EPB41L5: variants seen among roughly 807,000 people sequenced by gnomAD.
EPB41L5 encodes erythrocyte membrane protein band 4.1 like 5.
A neutral mutation model predicts 106.6 loss-of-function variants in EPB41L5; 55 were observed. The ratio of observed to expected loss-of-function variants is 0.52; its 90% CI spans 0.42 to 0.65. The LOEUF (loss-of-function observed/expected upper bound fraction) is 0.65, where lower values mean the gene tolerates loss of function less well. Ranked by LOEUF, EPB41L5 falls within the 30% of genes least tolerant of loss-of-function variation. The pLI is 0.00. For missense variants in EPB41L5, 871 were observed against 882.1 expected (o/e 0.99, Z 0.16); for synonymous variants, 297 against 306.7 (o/e 0.97, Z 0.33).
intron 3 of EPB41L5, among the ~76,000 whole-genome samples, chr2:120,064,753 C>T (rs1681327091): frequency 6.6e-6 from 1 of 152,286 alleles, no homozygotes; most frequent in African/African-American, 2.4e-5. Flanking sequence ...TGTGCTTTCA[C>T]TTTTATCTTC....
chr2:120,032,107 G>A (rs550778340), intron 2 of EPB41L5, among the ~76,000 whole-genome samples: 40 of 152,312 alleles, frequency 2.6e-4, no homozygotes, highest in Admixed American at 2.4e-3. Context: ...AATGGGCCAG[G>A]CGCGGTGGCT....
At chr2:120,141,565 T>C (rs1407456154) in intron 18 of EPB41L5, among the ~76,000 whole-genome samples, 1 of 152,140 alleles carries the variant, frequency 6.6e-6, no homozygotes, top group African/African-American at 2.4e-5. Context: ...AAGAGTTATG[T>C]TGTCTTAATT....
At chr2:120,143,527 G>T (rs951996673) in intron 19 of EPB41L5, among the ~76,000 whole-genome samples, 1 of 152,130 alleles carries the variant, frequency 6.6e-6, no homozygotes, top group Non-Finnish European at 1.5e-5. Context: ...GATGGAGGGG[G>T]TAGGGACTAG....
intron 11 of EPB41L5, among the ~76,000 whole-genome samples, chr2:120,088,768 T>C (rs1246101245): frequency 2.6e-5 from 4 of 152,206 alleles, no homozygotes; most frequent in Admixed American, 1.3e-4. Context: ...GTCTTTTTCA[T>C]TGTAGCCATT....
At chr2:120,174,770 T>C in intron 24 of EPB41L5, 71 bp from the exon 25 acceptor site, 1 of 1,316,802 alleles carries the variant, frequency 7.6e-7, no homozygotes, top group Non-Finnish European at 1.1e-6. Flanking sequence ...TGTGTGGCAC[T>C]AATGGAGACA....
intron 16 of EPB41L5, chr2:120,105,397 C>T (rs1290709302): frequency 1.0e-6 from 1 of 981,792 alleles, no homozygotes; most frequent in Non-Finnish European, 1.2e-6. Context: ...CAGCTTAACT[C>T]ATTTAATGCA....
intron 3 of EPB41L5, among the ~76,000 whole-genome samples, chr2:120,056,856 T>C (rs1291835469): frequency 6.6e-6 from 1 of 152,100 alleles, no homozygotes; most frequent in Admixed American, 6.6e-5. Flanking sequence ...AGTTTTTGAT[T>C]ATTGACTCAT....
intron 24 of EPB41L5, among the ~76,000 whole-genome samples, chr2:120,170,126 G>T (rs534822266): frequency 7.9e-4 from 121 of 152,262 alleles, no homozygotes; most frequent in African/African-American, 2.9e-3. Flanking sequence ...CCTTCCAACT[G>T]CACATTAGCA....
intron 16 of EPB41L5, among the ~76,000 whole-genome samples, chr2:120,109,482 A>G (rs1684621860): frequency 6.6e-6 from 1 of 152,178 alleles, no homozygotes; most frequent in Non-Finnish European, 1.5e-5. Context: ...CCATTTTATC[A>G]GTGAACTTAC....
chr2:120,101,302 TGAGA>T (rs1229013315), intron 16 of EPB41L5, among the ~76,000 whole-genome samples: 2 of 152,214 alleles, frequency 1.3e-5, no homozygotes, highest in East Asian at 3.8e-4. Flanking sequence ...CTAAGGAGAC[TGAGA>T]GAGAATCTGA....
In EPB41L5 at chr2:120,100,699, G is replaced by C. The variant is rs768353341; in HGVS notation, c.1222G>C (p.Ala408Pro). 15 of 1,612,420 alleles carry C rather than the reference G, an allele frequency of 9.3e-6. No homozygotes were observed. The Admixed American group carries it at 1.8e-4, about 20-fold the overall frequency. ...TAATTTTTATAATTTTTGTCCAAAG[G>C]CTTGGGGGATGAGATCTGCTCTGCC... ...VSTQSNGSQQ[A>P]WGMRSALPVS... is the part of the protein sequence containing the mutation. The change falls in exon 16 of 25, where the codon GCT (alanine) becomes CCT (proline). Residue 408 changes from alanine (A) to proline (P), a missense_variant and splice_region_variant. By Grantham distance (27) the Ala-to-Pro change is conservative. Transcript: ENST00000263713.
intron 1 of EPB41L5, among the ~76,000 whole-genome samples, chr2:120,015,907 TAAAA>T (rs35254844): frequency 1.7e-5 from 2 of 120,730 alleles, no homozygotes; most frequent in Non-Finnish European, 1.7e-5. Context: ...AGACTGTCTC[TAAAA>T]AAAAAAAAAA....
chr2:120,093,293 A>C lies in EPB41L5; in HGVS notation c.1178+17A>C, dbSNP rs1424929494. The C allele has an allele frequency of 3.1e-6, 5 of 1,609,628 alleles. No individual in the cohort carries two copies. In the African/African-American group the frequency reaches 6.7e-5, roughly 22 times the overall value. On this transcript the variant is annotated intron_variant, in intron 14 of 24. Coordinates refer to ENST00000263713, the MANE Select transcript of EPB41L5 (RefSeq NM_020909.4). ...AGAACTTAGGTAAGTAATGTTTTGC[A>C]ACTTAGGAATTGGTATAGAATTTGG...
intron 3 of EPB41L5, among the ~76,000 whole-genome samples, chr2:120,042,995 A>ATTTGTGTGTGTG (rs1491151741): frequency 2.9e-5 from 2 of 70,124 alleles, no homozygotes; most frequent in African/African-American, 7.3e-5. Context: ...TTTTCTGGAA[A>ATTTGTGTGTGTG]TGTGTGTGTG....
chr2:120,174,743 G>A (rs988514235), intron 24 of EPB41L5, 98 bp from the exon 25 acceptor site: 2 of 1,006,800 alleles, frequency 2.0e-6, no homozygotes, highest in Admixed American at 3.4e-5. Context: ...GTAATCTGCT[G>A]TACCCTCAAA....
chr2:120,135,550 A>G (rs1685886499), intron 18 of EPB41L5, among the ~76,000 whole-genome samples: 1 of 152,196 alleles, frequency 6.6e-6, no homozygotes, highest in South Asian at 2.1e-4. Context: ...AAGATAAAAG[A>G]AACAAATAAC....
chr2:120,048,746 G>A (rs921905781), intron 3 of EPB41L5, among the ~76,000 whole-genome samples: 11 of 152,026 alleles, frequency 7.2e-5, no homozygotes, highest in African/African-American at 2.7e-4. Flanking sequence ...GTGATGTTAG[G>A]GTGTCAGTTT....
At chr2:120,103,358 T>TA (rs1236694187) in intron 16 of EPB41L5, among the ~76,000 whole-genome samples, 1 of 152,208 alleles carries the variant, frequency 6.6e-6, no homozygotes, top group Non-Finnish European at 1.5e-5. Context: ...AGCACTGTGA[T>TA]AAAAGGTGCC....
At chr2:120,146,529 G>A (rs988965250) in intron 20 of EPB41L5, among the ~76,000 whole-genome samples, 2 of 152,194 alleles carry the variant, frequency 1.3e-5, no homozygotes, top group Admixed American at 6.5e-5. Context: ...AGCAGAAACC[G>A]TCTTAAAGAT....
Sources: allele counts gnomAD v4.1 joint callset (sites outside exome capture counted in the v4.1 genomes callset), GRCh38; gene constraint gnomAD v4.1.1; transcripts MANE v1.5; gene names NCBI Gene and HGNC (gene_info 2026-07-23, HGNC 2026-07-21).